Variants in NSUN6 observed in about 807,000 individuals in gnomAD.
NSUN6 encodes the protein NOP2/Sun RNA methyltransferase 6, also known as tRNA (cytosine(72)-C(5))-methyltransferase NSUN6.
Under a neutral mutation model 58.0 loss-of-function variants are expected in NSUN6, and 64 were observed. That is an observed-to-expected ratio of 1.10 (90% CI 0.90 to 1.36). NSUN6 has a LOEUF of 1.36. Ranked by LOEUF, NSUN6 falls within the 40% of genes most tolerant of loss-of-function variation. NSUN6 has a pLI of 0.00. For missense variants in NSUN6, 701 were observed against 550.1 expected, an observed-to-expected ratio of 1.27 and a Z score of -2.74; for synonymous variants, 231 against 193.9, an observed-to-expected ratio of 1.19 and a Z score of -1.59.
chr10:18,634,369 C>T (rs1476873918), intron 3 of NSUN6, among the ~76,000 whole-genome samples: 1 of 151,990 alleles, frequency 6.6e-6, no homozygotes, highest in African/African-American at 2.4e-5. Context: ...ATTTTAGAGA[C>T]AAGAAAAGCA....
rs142374679 is a variant in NSUN6 at position 18,558,552 on chromosome 10, T to C, written c.923-6581A>G. 3.1e-3 allele frequency among the ~76,000 whole-genome samples: 466 copies of C among 148,564 alleles called. 8 individuals carry two copies. The East Asian group carries it at 0.044, about 14-fold the overall frequency. On this transcript the variant is annotated intron_variant, in intron 8 of 10. Coordinates refer to ENST00000377304, the MANE Select transcript of NSUN6 (RefSeq NM_182543.5). ...GAACGGAGAATGGAATGGAATGCAG[T>C]AGTGAATATAATGGAGTGGAGAATG...
At chr10:18,622,079 T>C (rs991399366) in intron 3 of NSUN6, among the ~76,000 whole-genome samples, 5 of 150,942 alleles carry the variant, frequency 3.3e-5, no homozygotes, top group Admixed American at 6.6e-5. Context: ...CACACAAAAA[T>C]TGAAATCTTA....
chr10:18,629,988 G>T (rs1013489161), intron 3 of NSUN6, among the ~76,000 whole-genome samples: 5 of 150,398 alleles, frequency 3.3e-5, no homozygotes, highest in Non-Finnish European at 5.9e-5. Context: ...TTCCAAAATT[G>T]ACCACATACT....
At position 18,551,053 on chromosome 10, in the gene NSUN6, T is replaced by C. The variant is rs978610641; in HGVS notation, c.1071+770A>G. On this transcript the variant is annotated intron_variant, in intron 9 of 10. Coordinates refer to ENST00000377304, the MANE Select transcript of NSUN6 (RefSeq NM_182543.5). ...AACTCTATTTTTTTAAAAAAAAGAG[T>C]AATTTATTTTATATCTAATTCTTTA... 4.2e-4 allele frequency among the ~76,000 whole-genome samples: 64 copies of C among 152,042 alleles called. 2 individuals are homozygous for C. Among genetic ancestry groups the C allele is most frequent in the African/African-American group, 1.5e-3 (64 of 41,488 alleles).
chr10:18,571,783 T>C (rs2056381096), intron 8 of NSUN6, among the ~76,000 whole-genome samples: 1 of 151,400 alleles, frequency 6.6e-6, no homozygotes, highest in African/African-American at 2.4e-5. Flanking sequence ...TCCATTCCAT[T>C]CTCCATACCA....
intron 4 of NSUN6, among the ~76,000 whole-genome samples, chr10:18,615,128 T>TATATATACAC (rs562207637): frequency 3.2e-4 from 47 of 148,050 alleles, no homozygotes; most frequent in African/African-American, 8.2e-4. Context: ...TATATATATA[T>TATATATACAC]ACACACACAT....
At chr10:18,653,007 A>G (rs183719625), upstream of NSUN6, 1 of 985,256 alleles carries the variant, frequency 1.0e-6, no homozygotes, top group East Asian at 1.1e-4. Flanking sequence ...TCTTCAATAA[A>G]TCCATGAGAT....
chr10:18,578,671 C>T lies in NSUN6; in HGVS notation c.922+7278G>A, dbSNP rs184186654. 4.7e-3 allele frequency among the ~76,000 whole-genome samples: 719 copies of T among 152,254 alleles called. 3 individuals are homozygous for T. The highest frequency in any genetic ancestry group is 0.014 in the African/African-American group (599 of 41,534). On this transcript the variant is annotated intron_variant, in intron 8 of 10. Coordinates refer to ENST00000377304, the MANE Select transcript of NSUN6 (RefSeq NM_182543.5). ...GTACTAAATTCTCTCTACTGAAATA[C>T]CTTCTGGTTGTCTTTTAATCCTGTG...
chr10:18,572,785 TTCCATTCCATTCCATAC>T (rs2056443479), intron 8 of NSUN6, among the ~76,000 whole-genome samples: 1 of 149,178 alleles, frequency 6.7e-6, no homozygotes, highest in African/African-American at 2.5e-5. Flanking sequence ...TCAAACTCCA[TTCCATTCCATTCCATAC>T]TCCATTCCCT....
At chr10:18,593,057 A>G (rs1053235368) in intron 7 of NSUN6, among the ~76,000 whole-genome samples, 5 of 152,352 alleles carry the variant, frequency 3.3e-5, no homozygotes, top group African/African-American at 1.2e-4. Flanking sequence ...ATATGAACAG[A>G]CACTTCTCAA....
intron 7 of NSUN6, among the ~76,000 whole-genome samples, chr10:18,592,580 G>C (rs908652400): frequency 2.0e-5 from 3 of 152,150 alleles, no homozygotes; most frequent in African/African-American, 7.2e-5. Flanking sequence ...ACAACCATCA[G>C]ATCTTTGACA....
chr10:18,640,233 G>A (rs1330779042), intron 3 of NSUN6, among the ~76,000 whole-genome samples: 2 of 152,152 alleles, frequency 1.3e-5, no homozygotes, highest in Admixed American at 1.3e-4. Context: ...ATTCATGTAT[G>A]CAGCTATAAG....
At chr10:18,640,807 T>C (rs1447120642) in intron 3 of NSUN6, among the ~76,000 whole-genome samples, 1 of 149,886 alleles carries the variant, frequency 6.7e-6, no homozygotes. Flanking sequence ...TTAAACTAAA[T>C]AGAATGAGCC....
chr10:18,563,394 A>T (rs913490639), intron 8 of NSUN6, among the ~76,000 whole-genome samples: 5 of 151,146 alleles, frequency 3.3e-5, no homozygotes, highest in African/African-American at 9.7e-5. Context: ...AATGGTATGG[A>T]ACTGAGAATG....
At chr10:18,546,240 GACT>G (rs2054252796) in intron 10 of NSUN6, 95 bp from the exon 11 acceptor site, 3 of 866,762 alleles carry the variant, frequency 3.5e-6, no homozygotes, top group Admixed American at 3.7e-5. Context: ...GGGCTGTAAC[GACT>G]ACATCTTCCA....
rs147725351 is a variant in NSUN6, at chr10:18,596,236, G to C, written c.749C>G (p.Thr250Arg). 12 of 1,611,324 alleles carry C rather than the reference G, an allele frequency of 7.4e-6. No individual in the cohort carries two copies. Among genetic ancestry groups the C allele is most frequent in the Non-Finnish European group, 1.0e-5 (12 of 1,177,562 alleles). The change falls in exon 7 of 11, where the codon ACA (threonine) becomes AGA (arginine). Residue 250 changes from threonine to arginine, a missense_variant. Thr to Arg is a moderately conservative substitution (Grantham distance 71). Coordinates refer to ENST00000377304, the MANE Select transcript of NSUN6 (RefSeq NM_182543.5). ...DLCAAPGGKTTHIAALMHDQG... is the reference protein window; with the variant it reads ...DLCAAPGGKTRHIAALMHDQG... ...ATCATGCATTAGTGCTGCAATGTGTGTTGTTTTCCCTCCAGGTGCTGCACA... is the reference window on the plus strand; with the variant it reads ...ATCATGCATTAGTGCTGCAATGTGTCTTGTTTTCCCTCCAGGTGCTGCACA...
At chr10:18,546,298 C>T (rs1291301423) in intron 10 of NSUN6, among the ~76,000 whole-genome samples, 153 bp from the exon 11 acceptor site, 4 of 152,152 alleles carry the variant, frequency 2.6e-5, no homozygotes, top group South Asian at 2.1e-4. Context: ...GTGGAACATA[C>T]GTGCTGCTTT....
In NSUN6 at chr10:18,585,591, G is replaced by A. The variant is rs570168458; in HGVS notation, c.922+358C>T. On this transcript the variant is annotated intron_variant, in intron 8 of 10. Transcript: ENST00000377304. ...AATATTACACGATCTCACTTAAGTG[G>A]GGAATCTAAAAAAGTCAAACTCATA... Among the ~76,000 whole-genome samples, 52 of 152,264 alleles carry A rather than the reference G, an allele frequency of 3.4e-4. 1 individual carries two copies. Among genetic ancestry groups the A allele is most frequent in the East Asian group, 1.5e-3 (8 of 5,180 alleles).
At chr10:18,642,057 A>T (rs541368810) in intron 3 of NSUN6, among the ~76,000 whole-genome samples, 1 of 152,316 alleles carries the variant, frequency 6.6e-6, no homozygotes, top group South Asian at 2.1e-4. Context: ...ACAGAGCAGG[A>T]CGCTTTCTCA....
Sources: gnomAD v4.1 joint callset for allele counts (sites outside exome capture counted in the v4.1 genomes callset) on GRCh38, gnomAD v4.1.1 for gene constraint, MANE v1.5 for transcripts, NCBI Gene and HGNC (gene_info 2026-07-23, HGNC 2026-07-21) for gene names.